The following ARHGAP42 variants were observed in gnomAD, a reference collection of about 807,000 sequenced individuals.
ARHGAP42 encodes rho GTPase-activating protein 42.
Under a neutral mutation model 125.0 loss-of-function variants are expected in ARHGAP42, and 63 were observed. That is an observed-to-expected ratio of 0.50 (90% confidence interval 0.41 to 0.62). ARHGAP42 has a LOEUF of 0.62. Among genes scored for constraint, ARHGAP42 ranks in the 20% least tolerant of loss-of-function variants. The pLI is 0.00. For synonymous variants in ARHGAP42, 339 were observed against 351.0 expected, an observed-to-expected ratio of 0.97 and a Z score of 0.38; for missense variants, 766 against 1,024.2, an observed-to-expected ratio of 0.75 and a Z score of 3.44.
intron 22 of ARHGAP42, among the ~76,000 whole-genome samples, chr11:100,985,615 G>C (rs1395311468): frequency 1.3e-5 from 2 of 152,188 alleles, no homozygotes; most frequent in African/African-American, 2.4e-5. Context: ...GTCCTTCTCT[G>C]AGTGCCTCTA....
At chr11:100,749,601 G>A (rs924796538) in intron 1 of ARHGAP42, among the ~76,000 whole-genome samples, 1 of 152,114 alleles carries the variant, frequency 6.6e-6, no homozygotes, top group Non-Finnish European at 1.5e-5. Context: ...CTTCCCACTC[G>A]TGTTGTCCTC....
intron 2 of ARHGAP42, among the ~76,000 whole-genome samples, chr11:100,781,543 C>G (rs183127707): frequency 1.3e-5 from 2 of 152,064 alleles, no homozygotes; most frequent in Admixed American, 1.3e-4. Context: ...AAATACTTAC[C>G]AAGCACCGAG....
intron 3 of ARHGAP42, among the ~76,000 whole-genome samples, chr11:100,851,831 A>G (rs922658690): frequency 1.3e-5 from 2 of 152,190 alleles, no homozygotes; most frequent in Non-Finnish European, 2.9e-5. Context: ...ACTCAGGTGC[A>G]TGTTGTATGC....
intron 4 of ARHGAP42, among the ~76,000 whole-genome samples, chr11:100,866,505 C>A (rs1412709462): frequency 4.6e-5 from 7 of 152,172 alleles, no homozygotes; most frequent in African/African-American, 7.2e-5. Context: ...CTACCTGAGA[C>A]TGGGTAATTT....
chr11:100,895,837 CTTTTA>C (rs1422033341), intron 4 of ARHGAP42, among the ~76,000 whole-genome samples: 2 of 151,960 alleles, frequency 1.3e-5, no homozygotes, highest in East Asian at 1.9e-4. Context: ...GTTCTTTTTT[CTTTTA>C]TTTTATTTTT....
At chr11:100,798,585 A>G in intron 3 of ARHGAP42, among the ~76,000 whole-genome samples, 1 of 152,248 alleles carries the variant, frequency 6.6e-6, no homozygotes, top group East Asian at 1.9e-4. Context: ...CACTCAGTAG[A>G]CTACAATATT....
chr11:100,693,818 A>T (rs1176532570), intron 1 of ARHGAP42, among the ~76,000 whole-genome samples: 1 of 152,224 alleles, frequency 6.6e-6, no homozygotes, highest in Non-Finnish European at 1.5e-5. Context: ...GCAACTGTCC[A>T]TTCATTTATT....
chr11:100,842,760 GTT>G (rs1565237777), intron 3 of ARHGAP42, among the ~76,000 whole-genome samples: 1 of 152,026 alleles, frequency 6.6e-6, no homozygotes, highest in African/African-American at 2.4e-5. Flanking sequence ...TTAAAAAATT[GTT>G]TGAACTGAAC....
chr11:100,876,546 A>G (rs984946177), intron 4 of ARHGAP42, among the ~76,000 whole-genome samples: 1 of 152,212 alleles, frequency 6.6e-6, no homozygotes, highest in African/African-American at 2.4e-5. Context: ...ATTTGTCTGT[A>G]TGCACTGCTT....
At chr11:100,895,395 C>T (rs751692999) in intron 4 of ARHGAP42, among the ~76,000 whole-genome samples, 1 of 151,944 alleles carries the variant, frequency 6.6e-6, no homozygotes, top group African/African-American at 2.4e-5. Flanking sequence ...TGTCTTTATC[C>T]TGGGGAGTCC....
chr11:100,727,724 C>T (rs1397010842), intron 1 of ARHGAP42, among the ~76,000 whole-genome samples: 1 of 152,176 alleles, frequency 6.6e-6, no homozygotes, highest in Admixed American at 6.5e-5. Flanking sequence ...GGAGCTCACC[C>T]TATGTACCTC....
rs572018102 is a variant in ARHGAP42, at chr11:100,892,545, A to G, written c.385-20907A>G. Among the ~76,000 whole-genome samples the G allele has an allele frequency of 4.1e-4, 63 of 152,322 alleles. 3 individuals carry two copies. In the South Asian group the frequency reaches 0.013, roughly 31 times the overall value. On this transcript the variant is annotated intron_variant, in intron 4 of 23. Transcript: ENST00000298815. ...TGTGTTTAGAGAGTTTGGTATAAAGAAACCATTCTTATAAATACAAATGGA... is the reference window on the plus strand; with the variant it reads ...TGTGTTTAGAGAGTTTGGTATAAAGGAACCATTCTTATAAATACAAATGGA...
Position 100,715,048 on chromosome 11 carries a change from CAAAA to C in ARHGAP42, c.154+27239_154+27242del, listed in dbSNP as rs36017086. Among the ~76,000 whole-genome samples, 144 of 61,868 alleles carry C rather than the reference CAAAA, an allele frequency of 2.3e-3. 1 individual carries two copies. Among genetic ancestry groups the C allele is most frequent in the Admixed American group, 1.5e-3 (6 of 3,968 alleles). The allele number at this position is 61,868 out of a possible 152,430, so 40.6% of individuals were successfully genotyped here. On this transcript the variant is annotated intron_variant, in intron 1 of 23. Transcript: ENST00000298815. ...TGGGCGATGCAGTGAAACCCTATCT[CAAAA>C]AAAAAAAAAAAAAAAAAAAAAAGTT...
At chr11:100,764,019 C>T (rs1197992080) in intron 1 of ARHGAP42, among the ~76,000 whole-genome samples, 2 of 143,034 alleles carry the variant, frequency 1.4e-5, no homozygotes, top group East Asian at 2.2e-4. Flanking sequence ...TCTTCTTCTT[C>T]TTCTTCTTTT....
chr11:100,979,553 A>G (rs1439835583), intron 22 of ARHGAP42, among the ~76,000 whole-genome samples: 2 of 152,166 alleles, frequency 1.3e-5, no homozygotes, highest in African/African-American at 2.4e-5. Context: ...TTAAAAGGAT[A>G]TGAGTTGTTA....
chr11:100,898,419 C>G (rs11534487), intron 4 of ARHGAP42, among the ~76,000 whole-genome samples: 42,075 of 151,974 alleles, frequency 0.28, 7,188 homozygotes, highest in East Asian at 0.75. Flanking sequence ...AAGAATGGTA[C>G]CAGCTCCCCT....
chr11:100,869,186 A>G (rs1865642803), intron 4 of ARHGAP42, among the ~76,000 whole-genome samples: 1 of 152,052 alleles, frequency 6.6e-6, no homozygotes, highest in African/African-American at 2.4e-5. Flanking sequence ...CTTATAACTA[A>G]TAACACTATA....
At chr11:100,913,329 C>T (rs536940320) in intron 4 of ARHGAP42, 123 bp from the exon 5 acceptor site, 1 of 300,442 alleles carries the variant, frequency 3.3e-6, no homozygotes, top group East Asian at 1.1e-4. Flanking sequence ...TAAGGTTTTA[C>T]ACATAGTTGG....
At chr11:100,870,390 G>A (rs1005462299) in intron 4 of ARHGAP42, among the ~76,000 whole-genome samples, 1 of 152,308 alleles carries the variant, frequency 6.6e-6, no homozygotes. Context: ...GCTTTTATCT[G>A]TAGATACATT....
Sources: gnomAD v4.1 joint callset for allele counts (sites outside exome capture counted in the v4.1 genomes callset) on GRCh38, gnomAD v4.1.1 for gene constraint, MANE v1.5 for transcripts, NCBI Gene and HGNC (gene_info 2026-07-23, HGNC 2026-07-21) for gene names.